Variants in SLC44A1 observed in about 807,000 individuals in gnomAD.
The protein encoded by SLC44A1 is choline transporter-like protein 1.
SLC44A1 carries 26 observed loss-of-function variants against 79.3 expected under a neutral mutation model. The ratio of observed to expected loss-of-function variants is 0.33; its 90% CI spans 0.24 to 0.46. The LOEUF is 0.46. SLC44A1 is among the 20% of genes least tolerant of loss of function. The pLI is 1.00. For synonymous variants in SLC44A1, 263 were observed against 286.2 expected (o/e 0.92, Z 0.82); for missense variants, 688 against 798.1 (o/e 0.86, Z 1.66).
chr9:105,276,128 C>T (rs1830195566), intron 1 of SLC44A1, among the ~76,000 whole-genome samples: 1 of 152,094 alleles, frequency 6.6e-6, no homozygotes, highest in African/African-American at 2.4e-5. Context: ...TTAGAGTCAC[C>T]AGGGCGTCTG....
chr9:105,405,522 A>T (rs187604211), intron 15 of SLC44A1, among the ~76,000 whole-genome samples: 325 of 152,312 alleles, frequency 2.1e-3, no homozygotes, highest in African/African-American at 7.3e-3. Context: ...GCATTGAGGC[A>T]TGTTAACTTA....
chr9:105,378,938 G>A (rs1417391183), intron 13 of SLC44A1, among the ~76,000 whole-genome samples: 1 of 152,122 alleles, frequency 6.6e-6, no homozygotes, highest in Non-Finnish European at 1.5e-5. Flanking sequence ...TATGCTGAGC[G>A]AAAAAATCTA....
chr9:105,247,156 G>A (rs568430694), intron 1 of SLC44A1, among the ~76,000 whole-genome samples: 27 of 151,276 alleles, frequency 1.8e-4, no homozygotes, highest in Non-Finnish European at 3.1e-4. Flanking sequence ...GTTACTAATC[G>A]GCTGGTATTT....
chr9:105,365,038 G>A (rs1405777378), intron 10 of SLC44A1, among the ~76,000 whole-genome samples: 1 of 152,274 alleles, frequency 6.6e-6, no homozygotes, highest in Non-Finnish European at 1.5e-5. Flanking sequence ...TCCATCAAAG[G>A]ACAACAAGTC....
At chr9:105,354,926 A>G (rs934303518) in intron 5 of SLC44A1, among the ~76,000 whole-genome samples, 2 of 152,228 alleles carry the variant, frequency 1.3e-5, no homozygotes, top group African/African-American at 4.8e-5. Flanking sequence ...GTGCCCAACC[A>G]TGTAATTTTA....
rs551048008 is a variant in SLC44A1, at chr9:105,309,915, A to G, written c.269+49A>G. 13 of 1,575,412 alleles carry G rather than the reference A, an allele frequency of 8.3e-6. No homozygotes were observed. In the South Asian group the frequency reaches 9.3e-5, roughly 11 times the overall value. On this transcript the variant is annotated intron_variant, in intron 3 of 15. Transcript: ENST00000374720. The stretch of plus-strand genomic sequence containing the variant: ...AACACATGGAAACTTTGAAAGAGGC[A>G]CAGAGAAAATCCTGCTGTTCTTGCT...
chr9:105,314,821 G>C (rs955383888), intron 3 of SLC44A1, among the ~76,000 whole-genome samples: 2 of 152,204 alleles, frequency 1.3e-5, no homozygotes, highest in African/African-American at 4.8e-5. Flanking sequence ...ATCAGAGTGT[G>C]AGTTTTACTT....
Position 105,364,578 on chromosome 9 carries a change from G to C in SLC44A1, c.1111G>C (p.Gly371Arg). The change falls in exon 10 of 16, where the codon GGC (glycine) becomes CGC (arginine). Residue 371 changes from glycine (G) to arginine (R), a missense_variant. Coordinates refer to ENST00000374720, the MANE Select transcript of SLC44A1 (RefSeq NM_080546.5). Reference protein sequence around the residue: ...TTGSPVQNEQGFVEFKISGPL... With the variant: ...TTGSPVQNEQRFVEFKISGPL... Reference sequence around the variant, plus strand: ...AGGCAGTCCTGTTCAGAATGAGCAAGGCTTTGTGGAGTTCAAAATTTCTGG... The same window carrying C: ...AGGCAGTCCTGTTCAGAATGAGCAACGCTTTGTGGAGTTCAAAATTTCTGG... The C allele has an allele frequency of 6.2e-7, 1 of 1,613,858 alleles. No homozygotes were observed. Among genetic ancestry groups the C allele is most frequent in the Non-Finnish European group, 8.5e-7 (1 of 1,179,922 alleles).
At chr9:105,437,003 T>A (rs1829471703) in intron 15 of SLC44A1, among the ~76,000 whole-genome samples, 1 of 152,188 alleles carries the variant, frequency 6.6e-6, no homozygotes, top group African/African-American at 2.4e-5. Context: ...TCTCCTGGCA[T>A]CTTGTGGTTA....
At chr9:105,365,037 G>A (rs1360369150) in intron 10 of SLC44A1, among the ~76,000 whole-genome samples, 1 of 152,098 alleles carries the variant, frequency 6.6e-6, no homozygotes, top group Non-Finnish European at 1.5e-5. Flanking sequence ...GTCCATCAAA[G>A]GACAACAAGT....
At chr9:105,319,056 C>T (rs1378600812) in intron 3 of SLC44A1, among the ~76,000 whole-genome samples, 1 of 152,116 alleles carries the variant, frequency 6.6e-6, no homozygotes, top group Non-Finnish European at 1.5e-5. Context: ...TAATTATTAA[C>T]TGCTTCAACT....
At chr9:105,419,914 CAAAAAAAAAAAAAAA>C (rs59244219) in intron 15 of SLC44A1, among the ~76,000 whole-genome samples, 1 of 53,430 alleles carries the variant, frequency 1.9e-5, no homozygotes, top group Non-Finnish European at 4.0e-5. Context: ...AACTCTGTCT[CAAAAAAAAAAAAAAA>C]AAAAAAAAGA....
At chr9:105,381,558 A>AG (rs1443020100) in intron 13 of SLC44A1, among the ~76,000 whole-genome samples, 1 of 152,060 alleles carries the variant, frequency 6.6e-6, no homozygotes, top group African/African-American at 2.4e-5. Flanking sequence ...GAAAAAAAAA[A>AG]AGAAGAAAAA....
At chr9:105,255,587 T>C (rs536084619) in intron 1 of SLC44A1, among the ~76,000 whole-genome samples, 2 of 152,380 alleles carry the variant, frequency 1.3e-5, no homozygotes, top group Admixed American at 1.3e-4. Context: ...TAGTCTGTTA[T>C]ACTTCCTCAT....
chr9:105,389,177 A>AT lies in SLC44A1; in HGVS notation c.*122dup. On this transcript the variant is annotated 3_prime_UTR_variant, in exon 16 of 16. Transcript: ENST00000374720. Reference sequence around the variant, plus strand: ...TGTATGTGTGTATATATGTATATGTATATACACACACACACATAAATCAGC... The same window carrying AT: ...TGTATGTGTGTATATATGTATATGTATTATACACACACACACATAAATCAGC... 4.9e-6 allele frequency: 7 copies of AT among 1,430,894 alleles called. No individual in the cohort carries two copies. The South Asian group carries it at 1.1e-4, about 23-fold the overall frequency. 88.6% of individuals were successfully genotyped at this position (1,430,894 alleles called of 1,614,324 possible).
chr9:105,322,265 T>C (rs1288183131), intron 3 of SLC44A1, among the ~76,000 whole-genome samples: 1 of 152,186 alleles, frequency 6.6e-6, no homozygotes, highest in Non-Finnish European at 1.5e-5. Context: ...ACAGGGAATA[T>C]TGGACACTTT....
chr9:105,421,649 G>A lies in SLC44A1; in HGVS notation c.1951-16632G>A, dbSNP rs548623020. On this transcript the variant is annotated intron_variant, in intron 15 of 15. Coordinates refer to the SLC44A1 transcript ENST00000374724. ...GCCCAGGTAGGCAGAGTGCAGTGGC[G>A]CGATCTCGGCTCACTGCAAGCTCCG... Among the ~76,000 whole-genome samples the A allele has an allele frequency of 2.0e-5, 3 of 149,346 alleles. No individual in the cohort carries two copies. In the South Asian group the frequency reaches 6.3e-4, roughly 31 times the overall value.
chr9:105,402,642 T>C (rs1034745519), intron 15 of SLC44A1, among the ~76,000 whole-genome samples: 1 of 151,492 alleles, frequency 6.6e-6, no homozygotes, highest in Admixed American at 6.6e-5. Flanking sequence ...GGTTTTCAGC[T>C]CCCCACATAA....
intron 15 of SLC44A1, among the ~76,000 whole-genome samples, chr9:105,418,434 A>T (rs937405627): frequency 6.6e-6 from 1 of 152,120 alleles, no homozygotes; most frequent in Admixed American, 6.5e-5. Flanking sequence ...TGGCCATTAG[A>T]TCATGCTGTT....
Sources: gnomAD v4.1 joint callset for allele counts (sites outside exome capture counted in the v4.1 genomes callset) on GRCh38, gnomAD v4.1.1 for gene constraint, MANE v1.5 for transcripts, NCBI Gene and HGNC (gene_info 2026-07-23, HGNC 2026-07-21) for gene names.